Variants in ROR1 observed in about 807,000 individuals in gnomAD.
ROR1 encodes the protein inactive tyrosine-protein kinase transmembrane receptor ROR1.
Under a neutral mutation model 78.8 loss-of-function variants are expected in ROR1, and 19 were observed. The ratio of observed to expected loss-of-function variants is 0.24; its 90% CI spans 0.17 to 0.35. The LOEUF is 0.35. Ranked by LOEUF, ROR1 falls within the 10% of genes least tolerant of loss-of-function variation. ROR1 has a pLI of 1.00. For missense variants in ROR1, 917 were observed against 1,177.8 expected (o/e 0.78, Z 3.24); for synonymous variants, 386 against 433.6 (o/e 0.89, Z 1.36).
Position 63,808,101 on chromosome 1 carries a change from A to C in ROR1, c.91+33593A>C, listed in dbSNP as rs560360502. Among the ~76,000 whole-genome samples the C allele has an allele frequency of 4.6e-5, 7 of 151,830 alleles. 1 individual carries two copies. The highest frequency in any genetic ancestry group is 1.7e-4 in the African/African-American group (7 of 41,374). On this transcript the variant is annotated intron_variant, in intron 1 of 8. Transcript: ENST00000371079. ...TCTTCCTCTTCTTCCTCCTCCTCCA[A>C]TAGTAATAGGAACTTTACCTGGGCA...
chr1:63,783,797 C>A (rs139234155), intron 1 of ROR1, among the ~76,000 whole-genome samples: 220 of 152,324 alleles, frequency 1.4e-3, no homozygotes, highest in Non-Finnish European at 2.6e-3. Flanking sequence ...GCAGATTAAT[C>A]CTGACCAGGT....
At chr1:63,980,468 A>G (rs1646201431) in intron 1 of ROR1, among the ~76,000 whole-genome samples, 1 of 152,204 alleles carries the variant, frequency 6.6e-6, no homozygotes, top group Non-Finnish European at 1.5e-5. Flanking sequence ...ACCAGGGAAG[A>G]AATTCTCCAA....
intron 4 of ROR1, among the ~76,000 whole-genome samples, chr1:64,075,806 G>T (rs1030015810): frequency 6.6e-6 from 1 of 152,122 alleles, no homozygotes; most frequent in Admixed American, 6.5e-5. Context: ...AAGAGTTCAC[G>T]TTTCAGTGCA....
chr1:64,154,647 AAAAAT>A (rs1450526053), intron 7 of ROR1, among the ~76,000 whole-genome samples: 1 of 152,218 alleles, frequency 6.6e-6, no homozygotes, highest in Non-Finnish European at 1.5e-5. Context: ...ATATCATTGT[AAAAAT>A]AAAATAGGAA....
chr1:63,996,543 T>A (rs1371322131), intron 1 of ROR1, among the ~76,000 whole-genome samples: 1 of 152,228 alleles, frequency 6.6e-6, no homozygotes, highest in Non-Finnish European at 1.5e-5. Context: ...TCTTGCAGGA[T>A]GATAGTAATC....
chr1:63,880,249 A>G (rs1645314044), intron 1 of ROR1, among the ~76,000 whole-genome samples: 1 of 152,224 alleles, frequency 6.6e-6, no homozygotes, highest in South Asian at 2.1e-4. Flanking sequence ...AGTATTGCTG[A>G]TTAAAGAATG....
intron 4 of ROR1, among the ~76,000 whole-genome samples, chr1:64,086,170 C>A (rs990332895): frequency 1.2e-4 from 19 of 152,206 alleles, no homozygotes; most frequent in Non-Finnish European, 5.9e-5. Context: ...GTTCCTTTCA[C>A]ACAAAATGTG....
chr1:64,108,313 C>G (rs867916027), intron 4 of ROR1: 12 of 137,912 alleles, frequency 8.7e-5, no homozygotes, highest in South Asian at 2.3e-4. Context: ...AGGATAATCA[C>G]TTGAACCTGG....
Position 64,161,035 on chromosome 1 carries a change from A to G in ROR1, c.1386+1843A>G, listed in dbSNP as rs557807991. 1.2e-4 allele frequency among the ~76,000 whole-genome samples: 18 copies of G among 152,376 alleles called. No homozygotes were observed. In the East Asian group the frequency reaches 3.3e-3, roughly 28 times the overall value. ...TTAGTGGAGGTTTGTTTTATATCAC[A>G]TGATCTCCAACAGAAATTCCAGAGA... On this transcript the variant is annotated intron_variant, in intron 8 of 8. Transcript: ENST00000371079.
chr1:64,023,198 C>T (rs1346689966), intron 2 of ROR1, among the ~76,000 whole-genome samples: 1 of 152,132 alleles, frequency 6.6e-6, no homozygotes, highest in African/African-American at 2.4e-5. Flanking sequence ...TGCTGAGTAA[C>T]AGAAGGATGC....
chr1:63,956,010 C>T (rs1043112410), intron 1 of ROR1, among the ~76,000 whole-genome samples: 15 of 152,146 alleles, frequency 9.9e-5, no homozygotes, highest in Admixed American at 5.9e-4. Context: ...CCTGGTGACT[C>T]GCTCTGCTGG....
chr1:63,838,525 G>T (rs1162073985), intron 1 of ROR1, among the ~76,000 whole-genome samples: 1 of 151,886 alleles, frequency 6.6e-6, no homozygotes, highest in Non-Finnish European at 1.5e-5. Flanking sequence ...ATGGAATAAG[G>T]ATATAAAGAA....
chr1:64,090,504 T>A (rs1030663172), intron 4 of ROR1, among the ~76,000 whole-genome samples: 4 of 152,152 alleles, frequency 2.6e-5, no homozygotes, highest in African/African-American at 7.2e-5. Flanking sequence ...ACAGCAACAA[T>A]TAAAGATAAA....
chr1:63,891,072 A>G (rs1645392348), intron 1 of ROR1, among the ~76,000 whole-genome samples: 1 of 152,184 alleles, frequency 6.6e-6, no homozygotes, highest in South Asian at 2.1e-4. Context: ...TGAGTCAGGT[A>G]TGGGAATGTC....
In ROR1 at chr1:63,998,982, G is replaced by A. The variant is rs535964587; in HGVS notation, c.92-10323G>A. Among the ~76,000 whole-genome samples, 8 of 152,268 alleles carry A rather than the reference G, an allele frequency of 5.3e-5. No homozygotes were observed. In the South Asian group the frequency reaches 1.0e-3, roughly 20 times the overall value. On this transcript the variant is annotated intron_variant, in intron 1 of 8. Coordinates refer to ENST00000371079, the MANE Select transcript of ROR1 (RefSeq NM_005012.4). ...TTCTCTCTCATCCTCTCTTGCCAAC[G>A]CCATACTGTAAGAAGTACCTTTCGC...
intron 1 of ROR1, among the ~76,000 whole-genome samples, chr1:63,912,866 C>T (rs1645582470): frequency 2.6e-5 from 4 of 152,176 alleles, no homozygotes; most frequent in African/African-American, 9.7e-5. Flanking sequence ...CACAGATATC[C>T]TTTATCTTAG....
intron 4 of ROR1, among the ~76,000 whole-genome samples, chr1:64,071,298 C>T (rs1039767679): frequency 1.3e-5 from 2 of 151,782 alleles, no homozygotes; most frequent in Non-Finnish European, 2.9e-5. Flanking sequence ...GGAGGGTGGA[C>T]GAGAGTATGA....
At chr1:63,861,963 A>T (rs1478068805) in intron 1 of ROR1, among the ~76,000 whole-genome samples, 1 of 152,254 alleles carries the variant, frequency 6.6e-6, no homozygotes, top group South Asian at 2.1e-4. Context: ...GGCATATTCT[A>T]TAAGGAAAAA....
intron 1 of ROR1, among the ~76,000 whole-genome samples, chr1:63,942,652 G>T (rs1386651111): frequency 6.6e-6 from 1 of 152,136 alleles, no homozygotes; most frequent in East Asian, 1.9e-4. Context: ...GGAGAGCTGT[G>T]CAGCAGATAC....
Sources: gnomAD v4.1 joint callset for allele counts (sites outside exome capture counted in the v4.1 genomes callset) on GRCh38, gnomAD v4.1.1 for gene constraint, MANE v1.5 for transcripts, NCBI Gene and HGNC (gene_info 2026-07-23, HGNC 2026-07-21) for gene names.